Variants in ABL2 observed in about 807,000 individuals in gnomAD.
ABL2 encodes the protein ABL proto-oncogene 2, non-receptor tyrosine kinase.
ABL2 carries 49 observed loss-of-function variants against 107.7 expected under a neutral mutation model. The observed-to-expected ratio is 0.45, with a 90% CI of 0.36 to 0.58. ABL2 has a LOEUF of 0.58. Ranked by LOEUF, ABL2 falls within the 20% of genes least tolerant of loss-of-function variation. The probability of loss-of-function intolerance (pLI) is 0.00; values close to 1 mark genes in which losing one functional copy is unlikely to be tolerated. For synonymous variants in ABL2, 549 were observed against 548.6 expected, an observed-to-expected ratio of 1.00 and a Z score of -0.01; for missense variants, 1,245 against 1,457.0, an observed-to-expected ratio of 0.85 and a Z score of 2.37.
chr1:179,181,073 A>G (rs2102797764), intron 1 of ABL2, among the ~76,000 whole-genome samples: 1 of 152,350 alleles, frequency 6.6e-6, no homozygotes, highest in Admixed American at 6.5e-5. Flanking sequence ...CTAACAGTAC[A>G]GCTGTCTGTC....
intron 1 of ABL2, among the ~76,000 whole-genome samples, chr1:179,166,356 A>T (rs894389099): frequency 6.6e-6 from 1 of 151,742 alleles, no homozygotes; most frequent in Non-Finnish European, 1.5e-5. Flanking sequence ...CTTATAAGGA[A>T]CTAATACTCA....
At position 179,106,581 on chromosome 1, in the gene ABL2, C is replaced by T; in HGVS notation, c.*1137G>A. The stretch of plus-strand genomic sequence containing the variant: ...ATCCATAGAGAGGAGAATGCCTCTC[C>T]CTATTCTCTACCTGGATTGGGCTTA... On this transcript the variant is annotated 3_prime_UTR_variant, in exon 12 of 12. Transcript: ENST00000502732. The T allele has an allele frequency of 4.3e-6, 1 of 232,924 alleles. No individual in the cohort carries two copies. Among genetic ancestry groups the T allele is most frequent in the Non-Finnish European group, 8.5e-6 (1 of 117,910 alleles). 14.4% of individuals were successfully genotyped at this position (232,924 alleles called of 1,614,324 possible).
At chr1:179,182,925 A>AT (rs1027415968) in intron 1 of ABL2, among the ~76,000 whole-genome samples, 1 of 151,964 alleles carries the variant, frequency 6.6e-6, no homozygotes, top group Non-Finnish European at 1.5e-5. Context: ...GGATATCAGC[A>AT]TTTTTTTTGA....
At chr1:179,171,152 T>G (rs568204908) in intron 1 of ABL2, among the ~76,000 whole-genome samples, 227 of 152,350 alleles carry the variant, frequency 1.5e-3, no homozygotes, top group Non-Finnish European at 2.7e-3. Flanking sequence ...CAACTATTCT[T>G]ACCAGGAGGC....
At chr1:179,135,465 G>A (rs1467444785) in intron 1 of ABL2, among the ~76,000 whole-genome samples, 11 of 147,312 alleles carry the variant, frequency 7.5e-5, no homozygotes, top group South Asian at 6.6e-4. Flanking sequence ...CAACCGCCCC[G>A]TCTGAGAAGT....
intron 1 of ABL2, among the ~76,000 whole-genome samples, chr1:179,184,968 G>GA (rs569626363): frequency 8.9e-4 from 135 of 152,138 alleles, no homozygotes; most frequent in Non-Finnish European, 1.6e-3. Flanking sequence ...AGCTCTGTCG[G>GA]AAAAAAAGAA....
intron 1 of ABL2, among the ~76,000 whole-genome samples, chr1:179,209,957 C>CTTAA (rs1418846159): frequency 6.6e-6 from 1 of 152,180 alleles, no homozygotes; most frequent in East Asian, 1.9e-4. Context: ...TCACTGTAAC[C>CTTAA]TCACACTCTT....
At chr1:179,217,625 C>CAA (rs544339454) in intron 1 of ABL2, among the ~76,000 whole-genome samples, 51 of 102,164 alleles carry the variant, frequency 5.0e-4, no homozygotes, top group Non-Finnish European at 6.9e-4. Flanking sequence ...GACTCCACCT[C>CAA]AAAAAAAAAA....
chr1:179,145,645 G>A (rs1331855359), intron 1 of ABL2, among the ~76,000 whole-genome samples: 1 of 152,182 alleles, frequency 6.6e-6, no homozygotes, highest in African/African-American at 2.4e-5. Flanking sequence ...AAGATGAGGA[G>A]GAGCGGGGGC....
intron 1 of ABL2, among the ~76,000 whole-genome samples, chr1:179,171,521 G>A (rs953206318): frequency 3.9e-5 from 6 of 152,134 alleles, no homozygotes; most frequent in African/African-American, 1.4e-4. Flanking sequence ...AAGACACAGG[G>A]TCTCACTGTC....
In ABL2 at chr1:179,108,278, A is replaced by C; in HGVS notation, c.2989T>G (p.Ser997Ala). Residue 997 changes from serine (S) to alanine (A), a missense_variant, in exon 12 of 12, where the codon TCC becomes GCC. This residue lies in a region of ABL2 where 761 missense variants were observed against 766.4 expected (regional missense o/e 0.99). Coordinates refer to ENST00000502732, the MANE Select transcript of ABL2 (RefSeq NM_007314.4). ...PPVMRLLQHPSICSDPTEEPT... is the reference protein window; with the variant it reads ...PPVMRLLQHPAICSDPTEEPT... ...TCTTCTGTAGGGTCTGAGCAGATGG[A>C]CGGATGCTGCAGTAGTCTCATCACT... 6.2e-7 allele frequency: 1 copy of C among 1,613,344 alleles called. No homozygotes were observed. The highest frequency in any genetic ancestry group is 8.5e-7 in the Non-Finnish European group (1 of 1,179,902).
At chr1:179,117,284 T>TA (rs56346584) in intron 8 of ABL2, 48 bp downstream of exon 8, 133,960 of 1,125,922 alleles carry the variant, frequency 0.12, 1,635 homozygotes, top group Non-Finnish European at 0.14. Flanking sequence ...AAGGCATTTA[T>TA]AAAAAAAAAA....
intron 5 of ABL2, among the ~76,000 whole-genome samples, chr1:179,120,643 T>C (rs896392790): frequency 3.9e-5 from 6 of 152,164 alleles, no homozygotes; most frequent in African/African-American, 1.4e-4. Flanking sequence ...CAGGATGCTC[T>C]CCTGACCTCA....
Position 179,165,651 on chromosome 1 carries a change from G to A in ABL2, c.158-32277C>T, listed in dbSNP as rs116200015. On this transcript the variant is annotated intron_variant, in intron 1 of 11. Transcript: ENST00000502732. Reference sequence around the variant, plus strand: ...ACAATTTACAAGAGTGCTTCTTCTAGATAAATACATACTTTTACTTTTCTG... The same window carrying A: ...ACAATTTACAAGAGTGCTTCTTCTAAATAAATACATACTTTTACTTTTCTG... Among the ~76,000 whole-genome samples the A allele has an allele frequency of 2.1e-3, 324 of 152,142 alleles. 1 individual carries two copies. The highest frequency in any genetic ancestry group is 7.4e-3 in the African/African-American group (306 of 41,506).
chr1:179,113,936 A>AAAAT (rs1353570722), intron 9 of ABL2, among the ~76,000 whole-genome samples: 68 of 109,820 alleles, frequency 6.2e-4, no homozygotes, highest in East Asian at 2.6e-3. Flanking sequence ...TCCGTCTCAA[A>AAAAT]AAATAAATAA....
chr1:179,136,096 G>GC (rs964140791), intron 1 of ABL2, among the ~76,000 whole-genome samples: 2 of 149,060 alleles, frequency 1.3e-5, no homozygotes, highest in East Asian at 2.0e-4. Flanking sequence ...GGGGGGGTCA[G>GC]CCCCCCGTCC....
chr1:179,140,707 G>A (rs1182505115), intron 1 of ABL2, among the ~76,000 whole-genome samples: 1 of 152,198 alleles, frequency 6.6e-6, no homozygotes, highest in Non-Finnish European at 1.5e-5. Flanking sequence ...GTCTGGCAAG[G>A]TTTCAGACTT....
At chr1:179,219,721 T>TC (rs111635767) in intron 1 of ABL2, among the ~76,000 whole-genome samples, 61 of 152,250 alleles carry the variant, frequency 4.0e-4, no homozygotes, top group African/African-American at 1.4e-3. Context: ...TCCCCAAAAT[T>TC]CCCTTACCTT....
rs1380319416 is a variant in ABL2, at chr1:179,106,813, G to A, written c.*905C>T. On this transcript the variant is annotated 3_prime_UTR_variant, in exon 12 of 12. Transcript: ENST00000502732. Reference sequence around the variant, plus strand: ...GTATCAGAACAGGATTCATTCCTTTGTGAGAACCTGTAGGGACTACTATTT... The same window carrying A: ...GTATCAGAACAGGATTCATTCCTTTATGAGAACCTGTAGGGACTACTATTT... The A allele has an allele frequency of 2.2e-5, 5 of 231,302 alleles. No homozygotes were observed. Among genetic ancestry groups the A allele is most frequent in the Non-Finnish European group, 3.4e-5 (4 of 116,934 alleles). 14.3% of individuals were successfully genotyped at this position (231,302 alleles called of 1,614,324 possible).
Sources: allele counts gnomAD v4.1 joint callset (sites outside exome capture counted in the v4.1 genomes callset), GRCh38; gene constraint gnomAD v4.1.1; regional missense constraint gnomAD v4.1.1; transcripts MANE v1.5; gene names NCBI Gene and HGNC (gene_info 2026-07-23, HGNC 2026-07-21).